ARAP2: variants seen among roughly 807,000 people sequenced by gnomAD.
ARAP2 encodes the protein ArfGAP with RhoGAP domain, ankyrin repeat and PH domain 2.
Under a neutral mutation model 194.5 loss-of-function variants are expected in ARAP2, and 148 were observed. The observed-to-expected ratio is 0.76, with a 90% CI of 0.67 to 0.87. The LOEUF (loss-of-function observed/expected upper bound fraction) is 0.87. Ranked by LOEUF, ARAP2 falls within the 40% of genes least tolerant of loss-of-function variation. The probability of loss-of-function intolerance (pLI) is 0.00; values close to 1 mark genes in which losing one functional copy is unlikely to be tolerated. For missense variants in ARAP2, 2,128 were observed against 1,989.7 expected, an observed-to-expected ratio of 1.07 and a Z score of -1.32; for synonymous variants, 695 against 683.5, an observed-to-expected ratio of 1.02 and a Z score of -0.26.
Position 36,212,393 on chromosome 4 carries a change from T to C in ARAP2, c.1133+3A>G. ...TTAATCATCATCAATCATGATCTCATACCTTGATTTGATGATAAAAGAGTT... is the reference window on the plus strand; with the variant it reads ...TTAATCATCATCAATCATGATCTCACACCTTGATTTGATGATAAAAGAGTT... On this transcript the variant is annotated splice_donor_region_variant and intron_variant, in intron 5 of 32. Transcript: ENST00000303965. 3 of 1,602,026 alleles carry C rather than the reference T, an allele frequency of 1.9e-6. No individual in the cohort carries two copies. In the South Asian group the frequency reaches 3.3e-5, roughly 18 times the overall value.
At chr4:36,222,582 G>C (rs1331469414) in intron 2 of ARAP2, among the ~76,000 whole-genome samples, 1 of 152,016 alleles carries the variant, frequency 6.6e-6, no homozygotes, top group Non-Finnish European at 1.5e-5. Context: ...CGCATCTGTA[G>C]TAAAAGTACA....
intron 1 of ARAP2, among the ~76,000 whole-genome samples, chr4:36,243,383 C>CAAAAAAAAAAAAAAAAA (rs71201008): frequency 2.3e-5 from 2 of 85,112 alleles, no homozygotes; most frequent in Non-Finnish European, 2.2e-5. Context: ...GACAAGCTTG[C>CAAAAAAAAAAAAAAAAA]AAAAAAAAAA....
At chr4:36,070,748 CT>C (rs1301264427) in intron 32 of ARAP2, among the ~76,000 whole-genome samples, 1 of 152,216 alleles carries the variant, frequency 6.6e-6, no homozygotes, top group African/African-American at 2.4e-5. Flanking sequence ...ACCAAACTCA[CT>C]GTATTACTTA....
At chr4:36,156,336 G>C (rs1369291692) in intron 15 of ARAP2, among the ~76,000 whole-genome samples, 1 of 41,570 alleles carries the variant, frequency 2.4e-5, no homozygotes, top group Admixed American at 3.0e-4. Context: ...AGGGAGGGAG[G>C]GAAAGAGAGA....
At chr4:36,075,319 A>T (rs942393560) in intron 31 of ARAP2, among the ~76,000 whole-genome samples, 3 of 152,134 alleles carry the variant, frequency 2.0e-5, no homozygotes, top group Admixed American at 6.6e-5. Flanking sequence ...ACTCTCCTTG[A>T]ATTGAACTAA....
chr4:36,012,870 A>G (rs943750866), intron 8 of ARAP2: 1 of 152,190 alleles, frequency 6.6e-6, no homozygotes, highest in Non-Finnish European at 1.5e-5. Context: ...TCATGGTATC[A>G]AGCTCTGTAA....
chr4:36,129,506 G>T (rs1041886574), intron 20 of ARAP2, among the ~76,000 whole-genome samples: 24 of 151,746 alleles, frequency 1.6e-4, no homozygotes, highest in Admixed American at 4.6e-4. Context: ...ATGCTTTTCG[G>T]TTTTTATCTA....
intron 8 of ARAP2, 24 bp downstream of exon 8, chr4:36,187,427 A>C (rs1259683568): frequency 7.7e-7 from 1 of 1,291,916 alleles, no homozygotes; most frequent in African/African-American, 1.5e-5. Flanking sequence ...AATGTATTTC[A>C]TATGGATAAA....
intron 19 of ARAP2, among the ~76,000 whole-genome samples, chr4:36,134,288 C>T (rs1453774366): frequency 6.6e-5 from 10 of 151,714 alleles, no homozygotes; most frequent in Non-Finnish European, 1.3e-4. Context: ...TTTGCTCTCC[C>T]ATACCAAGCT....
chr4:36,129,157 C>T (rs930272038), intron 20 of ARAP2, among the ~76,000 whole-genome samples: 2 of 151,994 alleles, frequency 1.3e-5, no homozygotes, highest in African/African-American at 2.4e-5. Context: ...TTTCTGTATG[C>T]TCCCATCTTC....
At chr4:36,085,503 C>T (rs1711545570) in intron 28 of ARAP2, among the ~76,000 whole-genome samples, 1 of 152,068 alleles carries the variant, frequency 6.6e-6, no homozygotes, top group South Asian at 2.1e-4. Context: ...TAAATTCTAA[C>T]ATAACATTTT....
chr4:36,021,852 A>G (rs1717001643), intron 5 of ARAP2, among the ~76,000 whole-genome samples: 1 of 152,226 alleles, frequency 6.6e-6, no homozygotes, highest in Non-Finnish European at 1.5e-5. Context: ...ATGATACATC[A>G]TCTAATGATG....
chr4:36,243,071 G>A (rs1317162238), intron 1 of ARAP2, among the ~76,000 whole-genome samples: 1 of 151,054 alleles, frequency 6.6e-6, no homozygotes, highest in African/African-American at 2.5e-5. Context: ...TCCTGTAAGT[G>A]TATGGAAGTC....
chr4:36,209,363 C>A, intron 6 of ARAP2: 1 of 452,578 alleles, frequency 2.2e-6, no homozygotes, highest in South Asian at 1.6e-5. Flanking sequence ...AAGTGACACA[C>A]ATAGCTGATA....
intron 15 of ARAP2, among the ~76,000 whole-genome samples, chr4:36,158,341 C>G (rs1041647815): frequency 3.3e-5 from 5 of 152,016 alleles, no homozygotes; most frequent in Admixed American, 1.3e-4. Context: ...ACTTAGTACT[C>G]TAATTGAATA....
At chr4:36,229,676 C>T in intron 1 of ARAP2, 31 bp from the exon 2 acceptor site, 1 of 434,170 alleles carries the variant, frequency 2.3e-6, no homozygotes, top group Non-Finnish European at 4.1e-6. Context: ...ATTCATTAGG[C>T]TATTTTAATT....
intron 22 of ARAP2, among the ~76,000 whole-genome samples, chr4:36,123,641 T>C (rs73806477): frequency 2.0e-5 from 3 of 151,764 alleles, no homozygotes; most frequent in Non-Finnish European, 1.5e-5. Flanking sequence ...CAAAACTGTT[T>C]CCTAGTTAGT....
chr4:36,114,129 G>A (rs1720731451), intron 26 of ARAP2, 41 bp downstream of exon 26: 1 of 1,311,314 alleles, frequency 7.6e-7, no homozygotes, highest in South Asian at 1.2e-5. Flanking sequence ...ACTTTTTACA[G>A]TATAAGTAAT....
At chr4:36,149,998 T>C (rs13123734) in intron 16 of ARAP2, among the ~76,000 whole-genome samples, 13,802 of 152,184 alleles carry the variant, frequency 0.091, 689 homozygotes, top group Middle Eastern at 0.13. Flanking sequence ...ATAAGACACT[T>C]TCACACCAAA....
Sources: allele counts gnomAD v4.1 joint callset (sites outside exome capture counted in the v4.1 genomes callset), GRCh38; gene constraint gnomAD v4.1.1; transcripts MANE v1.5; gene names NCBI Gene and HGNC (gene_info 2026-07-23, HGNC 2026-07-21).